Variants in EXOC4 observed in about 807,000 individuals in gnomAD.
EXOC4 encodes the protein exocyst complex component 4.
Under a neutral mutation model 107.2 loss-of-function variants are expected in EXOC4, and 71 were observed. That is an observed-to-expected ratio of 0.66 (90% CI 0.55 to 0.81). The LOEUF (loss-of-function observed/expected upper bound fraction) is 0.81. Among genes scored for constraint, EXOC4 ranks in the 30% least tolerant of loss-of-function variants. The pLI is 0.00. For synonymous variants in EXOC4, 456 were observed against 441.2 expected (o/e 1.03, Z -0.42); for missense variants, 1,108 against 1,189.6 (o/e 0.93, Z 1.01).
chr7:133,853,954 G>A (rs1798294516), intron 11 of EXOC4, among the ~76,000 whole-genome samples: 1 of 152,180 alleles, frequency 6.6e-6, no homozygotes. Context: ...GCAGTTTATA[G>A]TCCCTAGGGG....
chr7:133,787,955 TTATATATTTATATATATA>T lies in EXOC4; in HGVS notation c.1515-29362_1515-29345del, dbSNP rs1359805446. On this transcript the variant is annotated intron_variant, in intron 10 of 17. Coordinates refer to ENST00000253861, the MANE Select transcript of EXOC4 (RefSeq NM_021807.4). ...AGATACTTCTTCCCTGTGCATATAT[TTATATATTTATATATATA>T]TATATATATATATATATATATATAT... is the stretch of plus-strand genomic sequence containing the variant. Among the ~76,000 whole-genome samples the T allele has an allele frequency of 5.6e-3, 176 of 31,638 alleles. 6 individuals are homozygous for T. The highest frequency in any genetic ancestry group is 0.02 in the East Asian group (10 of 494). The allele number at this position is 31,638 out of a possible 152,430, so 20.8% of individuals were successfully genotyped here.
chr7:134,007,659 C>T lies in EXOC4; in HGVS notation c.2528-17C>T. On this transcript the variant is annotated splice_polypyrimidine_tract_variant and intron_variant, in intron 16 of 17. Coordinates refer to ENST00000253861, the MANE Select transcript of EXOC4 (RefSeq NM_021807.4). Reference sequence around the variant, plus strand: ...TGTCATCCGTTTTCTTTGCCCCGCACTGTGCTGACCCCTCAGGCCTGGGCC... The same window carrying T: ...TGTCATCCGTTTTCTTTGCCCCGCATTGTGCTGACCCCTCAGGCCTGGGCC... 6.3e-7 allele frequency: 1 copy of T among 1,595,776 alleles called. No individual in the cohort carries two copies. Among genetic ancestry groups the T allele is most frequent in the South Asian group, 1.1e-5 (1 of 88,126 alleles).
At chr7:133,321,197 A>C (rs1007557509) in intron 5 of EXOC4, among the ~76,000 whole-genome samples, 5 of 151,412 alleles carry the variant, frequency 3.3e-5, no homozygotes, top group Non-Finnish European at 7.4e-5. Flanking sequence ...AGGTTATTTT[A>C]ATTAAATAAG....
At chr7:133,419,037 T>C (rs986192107) in intron 7 of EXOC4, among the ~76,000 whole-genome samples, 2 of 152,162 alleles carry the variant, frequency 1.3e-5, no homozygotes, top group African/African-American at 4.8e-5. Flanking sequence ...CTGGTGTAAG[T>C]GAATTCAAGG....
intron 2 of EXOC4, among the ~76,000 whole-genome samples, chr7:133,279,032 A>C (rs936121122): frequency 9.7e-5 from 14 of 144,184 alleles, no homozygotes; most frequent in Admixed American, 2.1e-4. Flanking sequence ...ATGTGTTCTC[A>C]TTGTTCAATT....
intron 14 of EXOC4, among the ~76,000 whole-genome samples, chr7:133,978,617 G>C (rs962602064): frequency 6.6e-6 from 1 of 152,302 alleles, no homozygotes; most frequent in African/African-American, 2.4e-5. Context: ...TTAGACAGCC[G>C]TTGGAAGGAT....
At chr7:134,084,315 A>G in the EXOC4 span, among the ~76,000 whole-genome samples, 2 of 152,184 alleles carry the variant, frequency 1.3e-5, no homozygotes, top group African/African-American at 2.4e-5. Context: ...TAGTGAAGAG[A>G]TATAGCTCTT....
At chr7:133,849,293 G>C (rs971404569) in intron 11 of EXOC4, among the ~76,000 whole-genome samples, 1 of 152,246 alleles carries the variant, frequency 6.6e-6, no homozygotes, top group African/African-American at 2.4e-5. Context: ...GGTGGCACAT[G>C]CCTATAGTCT....
chr7:134,053,718 C>T (rs1024505579), intron 17 of EXOC4, among the ~76,000 whole-genome samples: 1 of 151,610 alleles, frequency 6.6e-6, no homozygotes, highest in Non-Finnish European at 1.5e-5. Context: ...CAGGGAAAAC[C>T]TCACTTACTG....
At chr7:133,850,587 T>G (rs542537347) in intron 11 of EXOC4, among the ~76,000 whole-genome samples, 2 of 151,970 alleles carry the variant, frequency 1.3e-5, no homozygotes, top group Admixed American at 6.6e-5. Context: ...AACAGTCTTA[T>G]AGAATCATAC....
At chr7:133,787,573 C>T (rs942431373) in intron 10 of EXOC4, among the ~76,000 whole-genome samples, 3 of 151,778 alleles carry the variant, frequency 2.0e-5, no homozygotes, top group Non-Finnish European at 4.4e-5. Context: ...AAACAACAGA[C>T]AGTTCTGGAG....
chr7:133,727,465 C>T (rs1362906982), intron 10 of EXOC4: 1 of 153,032 alleles, frequency 6.5e-6, no homozygotes, highest in Non-Finnish European at 1.5e-5. Context: ...ACGCTGTTGT[C>T]CTCTTCACAG....
intron 14 of EXOC4, among the ~76,000 whole-genome samples, chr7:133,971,906 C>T (rs985021848): frequency 6.6e-6 from 1 of 152,218 alleles, no homozygotes; most frequent in Non-Finnish European, 1.5e-5. Context: ...CTTTACATCA[C>T]TTTCAGAGCT....
At chr7:133,384,711 C>CT (rs74925808) in intron 7 of EXOC4, among the ~76,000 whole-genome samples, 1,083 of 84,004 alleles carry the variant, frequency 0.013, 4 homozygotes, top group African/African-American at 0.019. Flanking sequence ...CTGAATTGGT[C>CT]TTTTTTTTTT....
chr7:133,350,894 C>T (rs1208020406), intron 5 of EXOC4, among the ~76,000 whole-genome samples: 1 of 151,892 alleles, frequency 6.6e-6, no homozygotes, highest in Non-Finnish European at 1.5e-5. Context: ...AATTTCATAG[C>T]TTTCATTATA....
At position 133,997,637 on chromosome 7, in the gene EXOC4, T is replaced by C. The variant is rs879220888; in HGVS notation, c.2348+4T>C. The C allele has an allele frequency of 1.9e-6, 3 of 1,612,610 alleles. No individual in the cohort carries two copies. In the South Asian group the frequency reaches 3.3e-5, roughly 18 times the overall value. On this transcript the variant is annotated splice_donor_region_variant and intron_variant, in intron 15 of 17. Coordinates refer to ENST00000253861, the MANE Select transcript of EXOC4 (RefSeq NM_021807.4). ...TTGTCTTACATCTGGAAGTGAGGTA[T>C]GATACAGCCAAGCCCAGGACCTTGC...
intron 5 of EXOC4, among the ~76,000 whole-genome samples, chr7:133,331,938 A>G (rs542174186): frequency 4.6e-5 from 7 of 152,174 alleles, no homozygotes; most frequent in Non-Finnish European, 1.0e-4. Context: ...CTAATGTCTA[A>G]TTTAGATGTA....
chr7:133,410,517 G>T (rs1029620173), intron 7 of EXOC4, among the ~76,000 whole-genome samples: 4 of 152,012 alleles, frequency 2.6e-5, no homozygotes, highest in South Asian at 2.1e-4. Context: ...CACCTGAGGG[G>T]TTATTTCATT....
intron 10 of EXOC4, among the ~76,000 whole-genome samples, chr7:133,814,158 T>G (rs1228486931): frequency 6.6e-6 from 1 of 152,170 alleles, no homozygotes; most frequent in Non-Finnish European, 1.5e-5. Context: ...CACCCCTGCC[T>G]CCTATGGGTA....
Sources: gnomAD v4.1 joint callset for allele counts (sites outside exome capture counted in the v4.1 genomes callset) on GRCh38, gnomAD v4.1.1 for gene constraint, MANE v1.5 for transcripts, NCBI Gene and HGNC (gene_info 2026-07-23, HGNC 2026-07-21) for gene names.